ASTN2: variants seen among roughly 807,000 people sequenced by gnomAD.
ASTN2 encodes the protein astrotactin 2.
Under a neutral mutation model 139.8 loss-of-function variants are expected in ASTN2, and 54 were observed. The ratio of observed to expected loss-of-function variants is 0.39; its 90% CI spans 0.31 to 0.48. The LOEUF (loss-of-function observed/expected upper bound fraction) is 0.48, where lower values mean the gene tolerates loss of function less well. Among genes scored for constraint, ASTN2 ranks in the 20% least tolerant of loss-of-function variants. ASTN2 has a pLI of 0.95. For missense variants in ASTN2, 1,565 were observed against 1,725.1 expected (o/e 0.91, Z 1.64); for synonymous variants, 756 against 719.5 (o/e 1.05, Z -0.81).
At chr9:116,489,848 T>C (rs906166567) in intron 19 of ASTN2, among the ~76,000 whole-genome samples, 7 of 152,184 alleles carry the variant, frequency 4.6e-5, no homozygotes, top group African/African-American at 1.7e-4. Flanking sequence ...GTTCATAGAC[T>C]TGACGCGTAG....
chr9:116,610,017 A>G (rs1415877585), intron 19 of ASTN2, among the ~76,000 whole-genome samples: 1 of 152,150 alleles, frequency 6.6e-6, no homozygotes, highest in African/African-American at 2.4e-5. Flanking sequence ...AACTATCCAA[A>G]AGAAGATAGA....
chr9:117,293,006 C>T (rs915280), intron 1 of ASTN2, among the ~76,000 whole-genome samples: 136,632 of 152,068 alleles, frequency 0.9, 61,875 homozygotes, highest in East Asian at 0.97. Flanking sequence ...ATGTTAGCTA[C>T]GAATTTTTAA....
intron 15 of ASTN2, among the ~76,000 whole-genome samples, chr9:116,727,466 C>A (rs894609951): frequency 6.6e-6 from 1 of 152,092 alleles, no homozygotes; most frequent in Non-Finnish European, 1.5e-5. Context: ...GCAGATGCAC[C>A]TTTGTACTTC....
intron 10 of ASTN2, among the ~76,000 whole-genome samples, chr9:116,910,532 A>G (rs2132419831): frequency 6.6e-6 from 1 of 152,156 alleles, no homozygotes; most frequent in Admixed American, 6.5e-5. Context: ...CCTGATTACA[A>G]CCCCCATCTT....
intron 7 of ASTN2, among the ~76,000 whole-genome samples, chr9:116,985,537 T>A (rs1455174476): frequency 6.6e-6 from 1 of 152,234 alleles, no homozygotes; most frequent in Non-Finnish European, 1.5e-5. Flanking sequence ...CCACTGGCCC[T>A]ATTCCCTTTC....
intron 7 of ASTN2, among the ~76,000 whole-genome samples, chr9:116,993,812 A>G (rs971185518): frequency 5.5e-5 from 8 of 146,664 alleles, no homozygotes; most frequent in African/African-American, 2.0e-4. Flanking sequence ...TGTACTATAT[A>G]TAACATACTA....
At chr9:116,898,224 T>C (rs369773031) in intron 10 of ASTN2, among the ~76,000 whole-genome samples, 95 of 151,918 alleles carry the variant, frequency 6.3e-4, no homozygotes, top group African/African-American at 2.0e-3. Context: ...CTGGGCAACA[T>C]AGTGAGACCC....
At chr9:117,192,703 T>C (rs918703754) in intron 3 of ASTN2, among the ~76,000 whole-genome samples, 5 of 152,166 alleles carry the variant, frequency 3.3e-5, no homozygotes, top group African/African-American at 9.6e-5. Context: ...GTTTACCAAA[T>C]AATATTCAGG....
intron 8 of ASTN2, 43 bp downstream of exon 8, chr9:116,976,658 T>A: frequency 6.4e-7 from 1 of 1,554,712 alleles, no homozygotes; most frequent in Non-Finnish European, 8.8e-7. Flanking sequence ...GAGGTAAAAG[T>A]GGGTCCTGCA....
chr9:116,519,597 G>A (rs562210290), intron 19 of ASTN2, among the ~76,000 whole-genome samples: 47 of 151,966 alleles, frequency 3.1e-4, no homozygotes, highest in Non-Finnish European at 6.5e-4. Context: ...ACACCTCATG[G>A]AACTGGAGAA....
In ASTN2 at chr9:116,788,659, G is replaced by A. The variant is rs78081336; in HGVS notation, c.2396+16973C>T. Among the ~76,000 whole-genome samples, 577 of 152,162 alleles carry A rather than the reference G, an allele frequency of 3.8e-3. 13 individuals carry two copies. In the East Asian group the frequency reaches 0.073, roughly 19 times the overall value. ...ACATCATGCATTCTCAGTAGTCGCA[G>A]AAATTGTCTTAGACAATACAATGGC... On this transcript the variant is annotated intron_variant, in intron 13 of 22. Coordinates refer to ENST00000313400, the MANE Select transcript of ASTN2 (RefSeq NM_001365068.1).
chr9:116,825,875 T>C (rs377544465), intron 11 of ASTN2, among the ~76,000 whole-genome samples: 3 of 152,266 alleles, frequency 2.0e-5, no homozygotes, highest in African/African-American at 7.2e-5. Context: ...TGGGCACTAT[T>C]TTGAGAGCCA....
rs1407153372 is a variant in ASTN2, at chr9:116,530,148, TATAA to T, written c.3356-42652_3356-42649del. On this transcript the variant is annotated intron_variant, in intron 19 of 22. Transcript: ENST00000313400. ...ATATATATATATATATATATATATA[TATAA>T]AATAGAATATTATTAATCCTTAAAA... 4.4e-3 allele frequency among the ~76,000 whole-genome samples: 94 copies of T among 21,406 alleles called. 4 individuals carry two copies. The highest frequency in any genetic ancestry group is 6.5e-3 in the African/African-American group (26 of 3,978). 14.0% of individuals were successfully genotyped at this position (21,406 alleles called of 152,430 possible).
At chr9:117,258,065 T>C (rs536347101) in intron 2 of ASTN2, among the ~76,000 whole-genome samples, 2 of 152,296 alleles carry the variant, frequency 1.3e-5, no homozygotes, top group South Asian at 2.1e-4. Context: ...AGTGGTTTAG[T>C]CTCTCCATTG....
At chr9:117,152,920 G>T (rs1023353059) in intron 3 of ASTN2, among the ~76,000 whole-genome samples, 1 of 152,140 alleles carries the variant, frequency 6.6e-6, no homozygotes, top group Non-Finnish European at 1.5e-5. Context: ...CTACATGACA[G>T]TTATTAGTTT....
At chr9:116,728,600 G>C (rs1177127549) in intron 15 of ASTN2, among the ~76,000 whole-genome samples, 1 of 152,090 alleles carries the variant, frequency 6.6e-6, no homozygotes, top group Admixed American at 6.6e-5. Flanking sequence ...AGCCAGGAGA[G>C]AAAGAGAAAT....
At chr9:117,385,431 C>T (rs1486252391) in intron 1 of ASTN2, among the ~76,000 whole-genome samples, 1 of 151,938 alleles carries the variant, frequency 6.6e-6, no homozygotes, top group Non-Finnish European at 1.5e-5. Flanking sequence ...GGATTTTAGA[C>T]AGAGAGAGAT....
At chr9:116,679,852 T>G (rs1022638741) in intron 16 of ASTN2, among the ~76,000 whole-genome samples, 1 of 152,076 alleles carries the variant, frequency 6.6e-6, no homozygotes, top group Non-Finnish European at 1.5e-5. Context: ...CATACCAGAA[T>G]CTCTGGGACA....
intron 19 of ASTN2, among the ~76,000 whole-genome samples, chr9:116,542,188 T>C (rs1159577020): frequency 6.6e-6 from 1 of 152,242 alleles, no homozygotes; most frequent in Non-Finnish European, 1.5e-5. Flanking sequence ...CACCCTTACA[T>C]GTAAATCTTT....
Sources: gnomAD v4.1 joint callset for allele counts (sites outside exome capture counted in the v4.1 genomes callset) on GRCh38, gnomAD v4.1.1 for gene constraint, MANE v1.5 for transcripts, NCBI Gene and HGNC (gene_info 2026-07-23, HGNC 2026-07-21) for gene names.